The following SYCP1 variants were observed in gnomAD, a reference collection of about 807,000 sequenced individuals.
SYCP1 encodes synaptonemal complex protein 1, also known as cancer/testis antigen 8.
Under a neutral mutation model 153.1 loss-of-function variants are expected in SYCP1, and 64 were observed. The ratio of observed to expected loss-of-function variants is 0.42; its 90% CI spans 0.34 to 0.51. The LOEUF (loss-of-function observed/expected upper bound fraction) is 0.51. SYCP1 is among the 20% of genes least tolerant of loss of function. The pLI, the probability that SYCP1 is intolerant of heterozygous loss-of-function variation, is 0.06. For synonymous variants in SYCP1, 384 were observed against 341.8 expected (o/e 1.12, Z -1.36); for missense variants, 997 against 1,049.0 (o/e 0.95, Z 0.68).
chr1:114,924,683 C>T (rs900112532), intron 21 of SYCP1, among the ~76,000 whole-genome samples: 2 of 151,800 alleles, frequency 1.3e-5, no homozygotes, highest in Admixed American at 6.6e-5. Flanking sequence ...TAAGTAACTA[C>T]AAAAAATTCA....
Position 114,926,577 on chromosome 1 carries a change from T to C in SYCP1, c.1926+14T>C. Reference sequence around the variant, plus strand: ...TATGAGATAAAGGTATTTGGCATCTTTATTTTTGTTTTTTAAATACTAATA... The same window carrying C: ...TATGAGATAAAGGTATTTGGCATCTCTATTTTTGTTTTTTAAATACTAATA... On this transcript the variant is annotated intron_variant, in intron 23 of 31. Transcript: ENST00000369522. 6.3e-7 allele frequency: 1 copy of C among 1,579,184 alleles called. No individual in the cohort carries two copies. Among genetic ancestry groups the C allele is most frequent in the South Asian group, 1.2e-5 (1 of 84,728 alleles).
At chr1:114,908,804 G>A (rs1400140879) in intron 16 of SYCP1, among the ~76,000 whole-genome samples, 1 of 152,120 alleles carries the variant, frequency 6.6e-6, no homozygotes, top group Non-Finnish European at 1.5e-5. Context: ...ATCTGATAAA[G>A]TTCTCACATC....
rs955986325 is a variant in SYCP1 at position 114,886,293 on chromosome 1, A to G, written c.1174A>G (p.Arg392Gly). ...TGTCTGCAGCTTGGAAGAATTATTG[A>G]GAACAGAACAGCAAAGGTAAAATAT... ...TTVCSLEELL[R>G]TEQQRLEKNE... is the part of the protein sequence containing the mutation. The change falls in exon 14 of 32, where the codon AGA becomes GGA. Residue 392 changes from arginine to glycine, a missense_variant. Around this residue, in one of 2 missense-constraint regions of SYCP1, gnomAD observed 712 missense variants for 682.9 expected, o/e 1.04. Coordinates refer to ENST00000369522, the MANE Select transcript of SYCP1 (RefSeq NM_003176.4). 3.2e-6 allele frequency: 5 copies of G among 1,575,100 alleles called. No homozygotes were observed. In the African/African-American group the frequency reaches 6.9e-5, roughly 22 times the overall value.
At chr1:114,943,051 A>C (rs761079913) in intron 23 of SYCP1, among the ~76,000 whole-genome samples, 43 of 151,990 alleles carry the variant, frequency 2.8e-4, no homozygotes, top group Non-Finnish European at 5.3e-4. Flanking sequence ...AATTTTCTGG[A>C]AAGTGCAAAT....
At chr1:114,919,500 G>A (rs1668722829) in intron 20 of SYCP1, among the ~76,000 whole-genome samples, 1 of 151,812 alleles carries the variant, frequency 6.6e-6, no homozygotes, top group African/African-American at 2.4e-5. Context: ...TTGGTATCAG[G>A]GTAATACTTG....
chr1:114,950,227 G>A (rs569975813), intron 27 of SYCP1, among the ~76,000 whole-genome samples: 4 of 152,262 alleles, frequency 2.6e-5, no homozygotes, highest in South Asian at 2.1e-4. Context: ...TGAGACTGAC[G>A]TAGAAGTTGC....
At chr1:114,977,322 A>C (rs1174673028) in intron 27 of SYCP1, among the ~76,000 whole-genome samples, 2 of 151,824 alleles carry the variant, frequency 1.3e-5, no homozygotes, top group Non-Finnish European at 3.0e-5. Flanking sequence ...AGACTTATTC[A>C]AAAGTCCACA....
chr1:114,869,266 C>G (rs1480253272), intron 8 of SYCP1, among the ~76,000 whole-genome samples: 1 of 152,060 alleles, frequency 6.6e-6, no homozygotes, highest in Non-Finnish European at 1.5e-5. Flanking sequence ...TTTTGAATTT[C>G]TCTTGAGATT....
intron 27 of SYCP1, among the ~76,000 whole-genome samples, chr1:114,955,267 T>C (rs1671363817): frequency 6.6e-6 from 1 of 152,170 alleles, no homozygotes; most frequent in African/African-American, 2.4e-5. Context: ...CATATACATA[T>C]GGAGAGTGAG....
intron 23 of SYCP1, among the ~76,000 whole-genome samples, chr1:114,936,354 C>G (rs963454745): frequency 1.3e-5 from 2 of 152,138 alleles, no homozygotes; most frequent in Admixed American, 6.5e-5. Flanking sequence ...ATTCAACACC[C>G]CTTCATGCTA....
chr1:114,972,496 A>T (rs1052723707), intron 27 of SYCP1, among the ~76,000 whole-genome samples: 1 of 151,956 alleles, frequency 6.6e-6, no homozygotes, highest in Non-Finnish European at 1.5e-5. Flanking sequence ...AAGATGCATC[A>T]TTAGGTTATT....
chr1:114,975,116 G>A (rs925200681), intron 27 of SYCP1, among the ~76,000 whole-genome samples: 3 of 151,750 alleles, frequency 2.0e-5, no homozygotes, highest in African/African-American at 7.2e-5. Context: ...GTTGGACATT[G>A]TATATCTTCT....
chr1:114,901,108 A>G (rs1399815272), intron 16 of SYCP1, among the ~76,000 whole-genome samples: 1 of 152,138 alleles, frequency 6.6e-6, no homozygotes, highest in Admixed American at 6.5e-5. Context: ...GGCAGAAGAA[A>G]CCCCAGTTGT....
chr1:114,931,911 T>A (rs1384003278), intron 23 of SYCP1, among the ~76,000 whole-genome samples: 3 of 152,088 alleles, frequency 2.0e-5, no homozygotes, highest in Admixed American at 1.3e-4. Flanking sequence ...ATAGACTAAA[T>A]GTACAGACTG....
rs1024928518 is a variant in SYCP1 at position 114,976,476 on chromosome 1, A to G, written c.2323-1081A>G. Among the ~76,000 whole-genome samples, 5 of 151,814 alleles carry G rather than the reference A, an allele frequency of 3.3e-5. No individual in the cohort carries two copies. In the South Asian group the frequency reaches 1.0e-3, roughly 31 times the overall value. Reference sequence around the variant, plus strand: ...TTCATACCTTGGAAACATATATTATATTAGAAGAGACTTTACCAAGATCTC... The same window carrying G: ...TTCATACCTTGGAAACATATATTATGTTAGAAGAGACTTTACCAAGATCTC... On this transcript the variant is annotated intron_variant, in intron 27 of 31. Coordinates refer to ENST00000369522, the MANE Select transcript of SYCP1 (RefSeq NM_003176.4).
At chr1:114,986,541 A>G (rs1303136757) in intron 30 of SYCP1, among the ~76,000 whole-genome samples, 3 of 152,068 alleles carry the variant, frequency 2.0e-5, no homozygotes, top group African/African-American at 7.2e-5. Flanking sequence ...ATAGAATTGC[A>G]CACAATTGTT....
At chr1:114,927,625 T>C (rs1236408682) in intron 23 of SYCP1, among the ~76,000 whole-genome samples, 6 of 152,072 alleles carry the variant, frequency 3.9e-5, no homozygotes, top group Non-Finnish European at 1.5e-5. Context: ...ATGGTCCTAA[T>C]AGTAGATTGA....
intron 27 of SYCP1, among the ~76,000 whole-genome samples, chr1:114,974,438 A>C (rs564706533): frequency 6.6e-6 from 1 of 152,078 alleles, no homozygotes; most frequent in East Asian, 1.9e-4. Flanking sequence ...GTTGTGCAAC[A>C]GATCTCTAGT....
Position 114,926,340 on chromosome 1 carries a change from G to A in SYCP1, c.1863G>A (p.Glu621=). 1 of 1,531,050 alleles carries A rather than the reference G, an allele frequency of 6.5e-7. No homozygotes were observed. Among genetic ancestry groups the A allele is most frequent in the South Asian group, 1.3e-5 (1 of 77,422 alleles). 94.8% of individuals were successfully genotyped at this position (1,531,050 alleles called of 1,614,324 possible). Residue 621 remains glutamate, a splice_region_variant and synonymous_variant, in exon 22 of 32, where the codon GAG becomes GAA. Transcript: ENST00000369522. ...AGTATATTGAAGAACTTCAGCAGGA[G>A]GTATGTATTTTTTATAAATATTCTC... ...KNKYIEELQQ[E]NKALKKKGTA...
Sources: allele counts gnomAD v4.1 joint callset (sites outside exome capture counted in the v4.1 genomes callset), GRCh38; gene constraint gnomAD v4.1.1; regional missense constraint gnomAD v4.1.1; transcripts MANE v1.5; gene names NCBI Gene and HGNC (gene_info 2026-07-23, HGNC 2026-07-21).